Variants in ADAMTSL1 observed in about 807,000 individuals in gnomAD.
The protein encoded by ADAMTSL1 is ADAMTS like 1.
ADAMTSL1 carries 126 observed loss-of-function variants against 201.8 expected under a neutral mutation model. The observed-to-expected ratio is 0.62, with a 90% confidence interval of 0.54 to 0.72. The LOEUF (loss-of-function observed/expected upper bound fraction) is 0.72, where lower values mean the gene tolerates loss of function less well. Among genes scored for constraint, ADAMTSL1 ranks in the 30% least tolerant of loss-of-function variants. ADAMTSL1 has a pLI of 0.00. For synonymous variants in ADAMTSL1, 1,121 were observed against 903.4 expected, an observed-to-expected ratio of 1.24 and a Z score of -4.32; for missense variants, 2,679 against 2,277.8, an observed-to-expected ratio of 1.18 and a Z score of -3.59.
intron 1 of ADAMTSL1, among the ~76,000 whole-genome samples, chr9:17,950,029 G>T (rs956405291): frequency 1.3e-5 from 2 of 151,794 alleles, no homozygotes; most frequent in Non-Finnish European, 2.9e-5. Flanking sequence ...AGTGATTCTC[G>T]TGCTTCAGCC....
At chr9:18,803,768 CTT>C (rs1168867181) in intron 20 of ADAMTSL1, among the ~76,000 whole-genome samples, 1 of 152,016 alleles carries the variant, frequency 6.6e-6, no homozygotes, top group East Asian at 1.9e-4. Flanking sequence ...TGAATATAGC[CTT>C]GAGGCTACCA....
chr9:18,898,021 TC>T (rs1238981284), intron 26 of ADAMTSL1, among the ~76,000 whole-genome samples: 8 of 94,054 alleles, frequency 8.5e-5, no homozygotes, highest in African/African-American at 2.8e-4. Flanking sequence ...ACTAAAAATA[TC>T]AAAAAAAAAA....
chr9:17,998,350 AG>A (rs763357700), intron 1 of ADAMTSL1, among the ~76,000 whole-genome samples: 1 of 152,018 alleles, frequency 6.6e-6, no homozygotes, highest in Non-Finnish European at 1.5e-5. Context: ...AAGGAGATAA[AG>A]GGGGTTATGG....
intron 1 of ADAMTSL1, among the ~76,000 whole-genome samples, chr9:18,122,046 G>A (rs908312152): frequency 7.2e-5 from 11 of 152,104 alleles, no homozygotes; most frequent in Non-Finnish European, 1.0e-4. Context: ...AGGAAAATAT[G>A]CCTTCCTTAG....
At chr9:18,701,433 T>G (rs1831917560) in intron 13 of ADAMTSL1, among the ~76,000 whole-genome samples, 1 of 152,176 alleles carries the variant, frequency 6.6e-6, no homozygotes, top group South Asian at 2.1e-4. Context: ...TTGGCCAGGT[T>G]GGTCTCAAAC....
chr9:18,310,063 C>G (rs1392612522), intron 2 of ADAMTSL1, among the ~76,000 whole-genome samples: 1 of 152,050 alleles, frequency 6.6e-6, no homozygotes, highest in Non-Finnish European at 1.5e-5. Flanking sequence ...CTTTAACAAA[C>G]CTGACAAATA....
chr9:18,418,892 G>A (rs567248127), intron 2 of ADAMTSL1, among the ~76,000 whole-genome samples: 1 of 152,256 alleles, frequency 6.6e-6, no homozygotes, highest in Admixed American at 6.5e-5. Flanking sequence ...AAACAATTTG[G>A]AAAAGACATA....
At chr9:18,812,640 C>T (rs1020142705) in intron 20 of ADAMTSL1, among the ~76,000 whole-genome samples, 1 of 152,076 alleles carries the variant, frequency 6.6e-6, no homozygotes, top group Admixed American at 6.5e-5. Context: ...TGAAGTGTTT[C>T]CTCTATGTTT....
intron 1 of ADAMTSL1, among the ~76,000 whole-genome samples, chr9:18,502,504 T>C (rs1666589958): frequency 6.6e-6 from 1 of 152,222 alleles, no homozygotes; most frequent in African/African-American, 2.4e-5. Flanking sequence ...AATTTGTGTA[T>C]GCATACATCA....
chr9:18,690,741 C>T (rs1455735012), intron 13 of ADAMTSL1, among the ~76,000 whole-genome samples: 1 of 152,144 alleles, frequency 6.6e-6, no homozygotes, highest in East Asian at 1.9e-4. Context: ...CAACCCTTCC[C>T]CTCCAATAGT....
chr9:18,370,223 T>C (rs578096681), intron 2 of ADAMTSL1, among the ~76,000 whole-genome samples: 5 of 150,894 alleles, frequency 3.3e-5, no homozygotes, highest in Admixed American at 3.3e-4. Flanking sequence ...GAGGTTGCAG[T>C]GAGCTGAGAT....
At chr9:18,470,838 C>G (rs1821179933), upstream of ADAMTSL1, among the ~76,000 whole-genome samples, 1 of 132,804 alleles carries the variant, frequency 7.5e-6, no homozygotes, top group Non-Finnish European at 1.8e-5. Flanking sequence ...CCCTGACACT[C>G]TCTCTCTCTT....
At chr9:17,956,032 C>A (rs1827916451) in intron 1 of ADAMTSL1, among the ~76,000 whole-genome samples, 1 of 152,160 alleles carries the variant, frequency 6.6e-6, no homozygotes, top group African/African-American at 2.4e-5. Flanking sequence ...CACCTAAGTT[C>A]TTGTAAATGA....
intron 1 of ADAMTSL1, among the ~76,000 whole-genome samples, chr9:18,068,605 G>C (rs894912796): frequency 1.3e-5 from 2 of 152,090 alleles, no homozygotes; most frequent in African/African-American, 4.8e-5. Flanking sequence ...GGTTCCTAAA[G>C]GGAAACGCAA....
intron 2 of ADAMTSL1, among the ~76,000 whole-genome samples, chr9:18,464,751 A>G (rs754849673): frequency 2.6e-5 from 4 of 152,248 alleles, no homozygotes; most frequent in Non-Finnish European, 4.4e-5. Context: ...CCCTTCTTCC[A>G]AACAAATTGA....
intron 22 of ADAMTSL1, 144 bp downstream of exon 22, chr9:18,826,607 C>T (rs1824587160): frequency 2.0e-6 from 2 of 1,011,854 alleles, no homozygotes; most frequent in East Asian, 5.3e-5. Context: ...AATTTAGGGC[C>T]TTTCGATAGA....
At chr9:18,488,549 A>C (rs1822110328) in intron 1 of ADAMTSL1, among the ~76,000 whole-genome samples, 1 of 152,246 alleles carries the variant, frequency 6.6e-6, no homozygotes, top group African/African-American at 2.4e-5. Flanking sequence ...CCACCAGTGT[A>C]ACCTTTCTGT....
chr9:18,027,726 A>C (rs199547856), intron 1 of ADAMTSL1, among the ~76,000 whole-genome samples: 2 of 152,096 alleles, frequency 1.3e-5, no homozygotes, highest in Non-Finnish European at 2.9e-5. Flanking sequence ...CATGTCTAGT[A>C]GGTGAAATTG....
At chr9:18,782,945 A>G (rs971183804) in intron 19 of ADAMTSL1, among the ~76,000 whole-genome samples, 1 of 152,184 alleles carries the variant, frequency 6.6e-6, no homozygotes, top group Admixed American at 6.5e-5. Flanking sequence ...GTAACTGGAG[A>G]CCAAGGGAAG....
Sources: allele counts gnomAD v4.1 joint callset (sites outside exome capture counted in the v4.1 genomes callset), GRCh38; gene constraint gnomAD v4.1.1; transcripts MANE v1.5; gene names NCBI Gene and HGNC (gene_info 2026-07-23, HGNC 2026-07-21).